The following GPC5 variants were observed in gnomAD, a reference collection of about 807,000 sequenced individuals.
The protein encoded by GPC5 is glypican 5.
A neutral mutation model predicts 53.9 loss-of-function variants in GPC5; 47 were observed. The observed-to-expected ratio is 0.87, with a 90% CI of 0.69 to 1.11. The LOEUF (loss-of-function observed/expected upper bound fraction) is 1.11. GPC5 is among the 50% of genes most tolerant of loss of function. GPC5 has a pLI of 0.00. For missense variants in GPC5, 748 were observed against 713.1 expected (o/e 1.05, Z -0.56); for synonymous variants, 286 against 263.3 (o/e 1.09, Z -0.84).
In GPC5 at chr13:91,696,534, A is replaced by T. The variant is rs554822487; in HGVS notation, c.1020+2653A>T. On this transcript the variant is annotated intron_variant, in intron 3 of 7. Transcript: ENST00000377067. Reference sequence around the variant, plus strand: ...ACCAGTTCGCACATCGATGAATTTAACAAATTCAAAATAAATTACTGGAAA... The same window carrying T: ...ACCAGTTCGCACATCGATGAATTTATCAAATTCAAAATAAATTACTGGAAA... Among the ~76,000 whole-genome samples the T allele has an allele frequency of 2.0e-5, 3 of 152,328 alleles. No homozygotes were observed. In the South Asian group the frequency reaches 6.2e-4, roughly 32 times the overall value.
intron 2 of GPC5, among the ~76,000 whole-genome samples, chr13:91,630,875 C>T (rs781034728): frequency 6.6e-6 from 1 of 151,726 alleles, no homozygotes; most frequent in Non-Finnish European, 1.5e-5. Flanking sequence ...AATGAATATC[C>T]CTTAACAATA....
At chr13:91,750,957 T>C (rs1294500851) in intron 4 of GPC5, among the ~76,000 whole-genome samples, 2 of 144,022 alleles carry the variant, frequency 1.4e-5, no homozygotes, top group Non-Finnish European at 3.1e-5. Context: ...CCATTGCGCC[T>C]GGCCGGTAAG....
intron 7 of GPC5, among the ~76,000 whole-genome samples, chr13:92,270,181 G>C (rs1177712367): frequency 6.6e-6 from 1 of 152,104 alleles, no homozygotes; most frequent in Non-Finnish European, 1.5e-5. Flanking sequence ...GTAAGAAGGA[G>C]ATACTTGAAT....
At chr13:91,513,897 G>A (rs1885364426) in intron 2 of GPC5, among the ~76,000 whole-genome samples, 1 of 152,112 alleles carries the variant, frequency 6.6e-6, no homozygotes, top group Non-Finnish European at 1.5e-5. Flanking sequence ...TTGTATGAAT[G>A]GAATCATGTA....
At chr13:91,614,753 A>G (rs2033649857) in intron 2 of GPC5, among the ~76,000 whole-genome samples, 1 of 152,194 alleles carries the variant, frequency 6.6e-6, no homozygotes, top group African/African-American at 2.4e-5. Context: ...GACCAGTAGA[A>G]GAGGGCGATC....
intron 7 of GPC5, among the ~76,000 whole-genome samples, chr13:92,368,908 G>C (rs1388740841): frequency 6.6e-6 from 1 of 152,088 alleles, no homozygotes; most frequent in East Asian, 1.9e-4. Flanking sequence ...TTGGCTTTCT[G>C]TTACCATTTT....
chr13:92,749,281 C>T (rs1416576435), intron 7 of GPC5, among the ~76,000 whole-genome samples: 1 of 151,888 alleles, frequency 6.6e-6, no homozygotes, highest in African/African-American at 2.4e-5. Context: ...GCCATTTTTT[C>T]AATATATTAT....
intron 7 of GPC5, among the ~76,000 whole-genome samples, chr13:92,574,478 A>G (rs1450441751): frequency 1.3e-5 from 2 of 152,220 alleles, no homozygotes; most frequent in African/African-American, 4.8e-5. Flanking sequence ...TATAAGTATT[A>G]CAGATTGTCA....
rs147738049 is a variant in GPC5 at position 92,232,866 on chromosome 13, AT to A, written c.1561+87885del. Among the ~76,000 whole-genome samples the A allele has an allele frequency of 1.1e-4, 16 of 152,100 alleles. No homozygotes were observed. The East Asian group carries it at 1.2e-3, about 11-fold the overall frequency. On this transcript the variant is annotated intron_variant, in intron 7 of 7. Transcript: ENST00000377067. ...TTGTAGCAGTTATCCAATCTTCCGC[AT>A]TTTTTTTGACGATTCAAGCAAGAGT...
rs369580789 is a variant in GPC5, at chr13:91,452,774, G to T, written c.325+3852G>T. 3.0e-3 allele frequency among the ~76,000 whole-genome samples: 451 copies of T among 151,732 alleles called. 15 individuals carry two copies. The South Asian group carries it at 0.078, about 26-fold the overall frequency. ...ATAATGAAATTTAGTTTTTTAATTT[G>T]TAACTATGCAAAAATTTCAACATGA... On this transcript the variant is annotated intron_variant, in intron 2 of 7. Transcript: ENST00000377067.
intron 7 of GPC5, among the ~76,000 whole-genome samples, chr13:92,354,382 T>C (rs1169680170): frequency 1.3e-5 from 2 of 152,220 alleles, no homozygotes; most frequent in Admixed American, 6.5e-5. Context: ...TTGCTCCTTT[T>C]CCCATGTTAT....
intron 6 of GPC5, among the ~76,000 whole-genome samples, chr13:91,910,898 G>C (rs1210606495): frequency 6.6e-6 from 1 of 152,098 alleles, no homozygotes; most frequent in Admixed American, 6.6e-5. Context: ...CAGTATTGTA[G>C]CTGACACATG....
chr13:92,038,048 C>T (rs1239210873), intron 6 of GPC5, among the ~76,000 whole-genome samples: 4 of 152,068 alleles, frequency 2.6e-5, no homozygotes, highest in East Asian at 3.9e-4. Flanking sequence ...TGAAATATGA[C>T]GGCAGTGGCA....
At chr13:92,354,128 A>G (rs1419799948) in intron 7 of GPC5, among the ~76,000 whole-genome samples, 1 of 152,214 alleles carries the variant, frequency 6.6e-6, no homozygotes, top group Non-Finnish European at 1.5e-5. Context: ...GCAAGTCATC[A>G]TGTGGTGATT....
rs1192044675 is a variant in GPC5, at chr13:92,240,198, A to G, written c.1561+95209A>G. On this transcript the variant is annotated intron_variant, in intron 7 of 7. Coordinates refer to ENST00000377067, the MANE Select transcript of GPC5 (RefSeq NM_004466.6). Reference sequence around the variant, plus strand: ...ATATTTCATTTATTCCTGAAATAATATTTAAAGTATAGCTATACAGACTGA... The same window carrying G: ...ATATTTCATTTATTCCTGAAATAATGTTTAAAGTATAGCTATACAGACTGA... 5 of 151,988 alleles carry G rather than the reference A, an allele frequency of 3.3e-5. No individual in the cohort carries two copies. The East Asian group carries it at 9.6e-4, about 29-fold the overall frequency. 9.4% of individuals were successfully genotyped at this position (151,988 alleles called of 1,614,324 possible).
intron 7 of GPC5, among the ~76,000 whole-genome samples, chr13:92,510,716 C>A (rs984795307): frequency 6.6e-6 from 1 of 152,160 alleles, no homozygotes; most frequent in African/African-American, 2.4e-5. Context: ...GCTCCTAGAT[C>A]TCAGCTGTAT....
intron 7 of GPC5, among the ~76,000 whole-genome samples, chr13:92,668,882 A>G (rs1886658337): frequency 6.6e-6 from 1 of 152,140 alleles, no homozygotes; most frequent in Non-Finnish European, 1.5e-5. Context: ...ATAAGTCAGA[A>G]AACAAATGAA....
At chr13:92,168,267 C>T (rs1380338882) in intron 7 of GPC5, among the ~76,000 whole-genome samples, 2 of 152,144 alleles carry the variant, frequency 1.3e-5, no homozygotes, top group African/African-American at 4.8e-5. Flanking sequence ...CCTTTCAGGA[C>T]ATAGGCACTG....
chr13:91,815,302 G>A (rs1425887086), intron 5 of GPC5, among the ~76,000 whole-genome samples: 2 of 152,046 alleles, frequency 1.3e-5, no homozygotes, highest in Admixed American at 6.6e-5. Flanking sequence ...CCAGGAGGTC[G>A]AGACTACAAT....
Sources: gnomAD v4.1 joint callset for allele counts (sites outside exome capture counted in the v4.1 genomes callset) on GRCh38, gnomAD v4.1.1 for gene constraint, MANE v1.5 for transcripts, NCBI Gene and HGNC (gene_info 2026-07-23, HGNC 2026-07-21) for gene names.